Variants in ETV6 observed in about 807,000 individuals in gnomAD.
The protein encoded by ETV6 is ETS variant transcription factor 6.
In ETV6, 16 loss-of-function variants were observed where a neutral mutation model predicts 51.1. The observed-to-expected ratio is 0.31, with a 90% CI of 0.21 to 0.48. ETV6 has a LOEUF of 0.48. Ranked by LOEUF, ETV6 falls within the 20% of genes least tolerant of loss-of-function variation. The pLI is 0.99. For synonymous variants in ETV6, 240 were observed against 224.1 expected, an observed-to-expected ratio of 1.07 and a Z score of -0.64; for missense variants, 458 against 594.8, an observed-to-expected ratio of 0.77 and a Z score of 2.39.
intron 1 of ETV6, among the ~76,000 whole-genome samples, chr12:11,680,596 G>C (rs1027694771): frequency 6.6e-6 from 1 of 152,226 alleles, no homozygotes; most frequent in African/African-American, 2.4e-5. Flanking sequence ...ACTCATGTGA[G>C]GGGAAGAACA....
chr12:11,760,910 A>T (rs565680086), intron 2 of ETV6, among the ~76,000 whole-genome samples: 1 of 124,488 alleles, frequency 8.0e-6, no homozygotes, highest in African/African-American at 2.7e-5. Flanking sequence ...GTGTGTGTGT[A>T]TATAAAAGTA....
At chr12:11,681,939 T>C (rs2120748107) in intron 1 of ETV6, among the ~76,000 whole-genome samples, 1 of 152,356 alleles carries the variant, frequency 6.6e-6, no homozygotes. Flanking sequence ...GTGGTATATA[T>C]GTGCCATATT....
chr12:11,655,807 C>T (rs2120615779), intron 1 of ETV6, among the ~76,000 whole-genome samples: 1 of 152,278 alleles, frequency 6.6e-6, no homozygotes, highest in Non-Finnish European at 1.5e-5. Context: ...AAGGTATTGC[C>T]CCGTGTTAAG....
At chr12:11,749,613 G>GTA (rs1865983930) in intron 1 of ETV6, among the ~76,000 whole-genome samples, 1 of 152,202 alleles carries the variant, frequency 6.6e-6, no homozygotes. Context: ...ATGTGCCAGG[G>GTA]TAGATGTTAA....
intron 1 of ETV6, among the ~76,000 whole-genome samples, chr12:11,667,696 A>T (rs1369615513): frequency 8.2e-5 from 6 of 72,994 alleles, no homozygotes; most frequent in Non-Finnish European, 7.7e-5. Context: ...TACCTGGCTA[A>T]TTTTTTTTTT....
At position 11,820,615 on chromosome 12, in the gene ETV6, TC is replaced by T. The variant is rs1022823027; in HGVS notation, c.164-18523del. On this transcript the variant is annotated intron_variant, in intron 2 of 7. Transcript: ENST00000396373. Reference sequence around the variant, plus strand: ...CCAAAGGCCCTGAGGTGGGAATAGTTCCTGGTAGGTCTGAGGAACAGCAGAG... The same window carrying T: ...CCAAAGGCCCTGAGGTGGGAATAGTTCTGGTAGGTCTGAGGAACAGCAGAG... Among the ~76,000 whole-genome samples the T allele has an allele frequency of 3.3e-5, 5 of 152,090 alleles. No individual in the cohort carries two copies. The East Asian group carries it at 9.7e-4, about 29-fold the overall frequency.
intron 3 of ETV6, among the ~76,000 whole-genome samples, chr12:11,842,838 C>G (rs955754384): frequency 6.6e-6 from 1 of 152,114 alleles, no homozygotes; most frequent in African/African-American, 2.4e-5. Flanking sequence ...TCAGTGAGAT[C>G]AAAATAATAC....
intron 4 of ETV6, among the ~76,000 whole-genome samples, chr12:11,860,760 T>C (rs953746556): frequency 6.6e-6 from 1 of 152,222 alleles, no homozygotes; most frequent in Non-Finnish European, 1.5e-5. Context: ...TTAACCATTT[T>C]TAGGTGTACT....
intron 2 of ETV6, among the ~76,000 whole-genome samples, chr12:11,819,638 C>T (rs767239675): frequency 7.2e-5 from 11 of 152,232 alleles, no homozygotes; most frequent in Admixed American, 2.0e-4. Flanking sequence ...CTCTATTCAT[C>T]TAGTTTCAGG....
At chr12:11,840,400 C>G (rs1220686120) in intron 3 of ETV6, 11 of 455,852 alleles carry the variant, frequency 2.4e-5, no homozygotes, top group Non-Finnish European at 4.4e-5. Context: ...CAGGTTTATG[C>G]CTCTTGCGGG....
At chr12:11,683,805 T>G (rs943855624) in intron 1 of ETV6, among the ~76,000 whole-genome samples, 2 of 152,228 alleles carry the variant, frequency 1.3e-5, no homozygotes, top group African/African-American at 4.8e-5. Context: ...TAAAGGGCTC[T>G]TTACTTTTTT....
At chr12:11,758,130 G>A (rs948093530) in intron 2 of ETV6, among the ~76,000 whole-genome samples, 2 of 152,132 alleles carry the variant, frequency 1.3e-5, no homozygotes, top group African/African-American at 2.4e-5. Context: ...AAAAACCATG[G>A]TAATAGAAAG....
At chr12:11,738,764 A>G (rs1865756305) in intron 1 of ETV6, among the ~76,000 whole-genome samples, 1 of 151,920 alleles carries the variant, frequency 6.6e-6, no homozygotes, top group Admixed American at 6.6e-5. Flanking sequence ...CTAGTTAGAG[A>G]CTCATCTTTC....
At chr12:11,821,189 C>T (rs910227781) in intron 2 of ETV6, among the ~76,000 whole-genome samples, 3 of 151,610 alleles carry the variant, frequency 2.0e-5, no homozygotes, top group Admixed American at 6.6e-5. Context: ...GGCAAAACCC[C>T]ATCTCTACTA....
chr12:11,779,844 A>G (rs1729616693), intron 2 of ETV6, among the ~76,000 whole-genome samples: 1 of 152,352 alleles, frequency 6.6e-6, no homozygotes, highest in African/African-American at 2.4e-5. Context: ...ACAGAGATAA[A>G]AAGTGTGAAG....
In ETV6 at chr12:11,892,279, G is replaced by A. The variant is rs1051833325; in HGVS notation, c.*1233G>A. 3.8e-5 allele frequency: 8 copies of A among 212,992 alleles called. No homozygotes were observed. In the Admixed American group the frequency reaches 5.5e-4, roughly 15 times the overall value. 13.2% of individuals were successfully genotyped at this position (212,992 alleles called of 1,614,324 possible). ...AGTTTCCTGGTCTCCACTGGACACAGAGCTTTGGAGACGGAGGATCCCAGA... is the reference window on the plus strand; with the variant it reads ...AGTTTCCTGGTCTCCACTGGACACAAAGCTTTGGAGACGGAGGATCCCAGA... On this transcript the variant is annotated 3_prime_UTR_variant, in exon 8 of 8. Transcript: ENST00000396373.
intron 1 of ETV6, among the ~76,000 whole-genome samples, chr12:11,663,752 G>A (rs1256325854): frequency 2.4e-5 from 2 of 84,646 alleles, no homozygotes; most frequent in Non-Finnish European, 4.7e-5. Context: ...TTATATGTTG[G>A]TAGGTTGTGT....
At chr12:11,720,237 C>A (rs1365289026) in intron 1 of ETV6, among the ~76,000 whole-genome samples, 1 of 152,204 alleles carries the variant, frequency 6.6e-6, no homozygotes, top group African/African-American at 2.4e-5. Context: ...GCACAGTCAT[C>A]TCCCTAATAA....
chr12:11,728,099 C>T (rs939842715), intron 1 of ETV6, among the ~76,000 whole-genome samples: 3 of 152,322 alleles, frequency 2.0e-5, no homozygotes, highest in African/African-American at 7.2e-5. Context: ...GGATTATAGG[C>T]ATGAGCCACC....
Sources: gnomAD v4.1 joint callset for allele counts (sites outside exome capture counted in the v4.1 genomes callset) on GRCh38, gnomAD v4.1.1 for gene constraint, MANE v1.5 for transcripts, NCBI Gene and HGNC (gene_info 2026-07-23, HGNC 2026-07-21) for gene names.